The following TOPAZ1 variants were observed in gnomAD, a reference collection of about 807,000 sequenced individuals.
TOPAZ1 encodes protein TOPAZ1.
A neutral mutation model predicts 172.2 loss-of-function variants in TOPAZ1; 66 were observed. The observed-to-expected ratio is 0.38, with a 90% CI of 0.31 to 0.47. The LOEUF (loss-of-function observed/expected upper bound fraction) is 0.47. TOPAZ1 is among the 20% of genes least tolerant of loss of function. The pLI, the probability that TOPAZ1 is intolerant of heterozygous loss-of-function variation, is 0.99. For synonymous variants in TOPAZ1, 681 were observed against 683.9 expected, an observed-to-expected ratio of 1.00 and a Z score of 0.07; for missense variants, 1,822 against 1,972.4, an observed-to-expected ratio of 0.92 and a Z score of 1.44.
At position 44,291,378 on chromosome 3, in the gene TOPAZ1, G is replaced by A. The variant is rs559252281; in HGVS notation, c.3797+492G>A. On this transcript the variant is annotated intron_variant, in intron 12 of 19. Coordinates refer to ENST00000309765, the MANE Select transcript of TOPAZ1 (RefSeq NM_001145030.2). Reference sequence around the variant, plus strand: ...AGCACTTTGCAAGGCCGAGGCAGGCGGATCACAAGGTCAGGAGTTCAAGAC... The same window carrying A: ...AGCACTTTGCAAGGCCGAGGCAGGCAGATCACAAGGTCAGGAGTTCAAGAC... Among the ~76,000 whole-genome samples the A allele has an allele frequency of 2.1e-4, 31 of 150,376 alleles. 1 individual carries two copies. The highest frequency in any genetic ancestry group is 8.4e-4 in the South Asian group (4 of 4,754).
At chr3:44,298,890 A>ATT (rs1276580133) in intron 12 of TOPAZ1, among the ~76,000 whole-genome samples, 2 of 24,876 alleles carry the variant, frequency 8.0e-5, no homozygotes, top group Non-Finnish European at 1.3e-4. Context: ...ATGTATATAT[A>ATT]TTATATATAT....
intron 2 of TOPAZ1, among the ~76,000 whole-genome samples, chr3:44,250,391 A>C (rs981629463): frequency 5.9e-5 from 9 of 151,998 alleles, no homozygotes; most frequent in African/African-American, 2.2e-4. Flanking sequence ...ACTTTACTGC[A>C]AATTTTTATT....
chr3:44,290,404 G>A (rs930453005), intron 11 of TOPAZ1, among the ~76,000 whole-genome samples: 1 of 152,038 alleles, frequency 6.6e-6, no homozygotes, highest in African/African-American at 2.4e-5. Context: ...ATTCTTCTCT[G>A]GCCATGGCCC....
chr3:44,281,905 A>G, intron 8 of TOPAZ1, 63 bp from the exon 9 acceptor site: 1 of 997,726 alleles, frequency 1.0e-6, no homozygotes, highest in African/African-American at 1.6e-5. Flanking sequence ...TAGGATTGAA[A>G]TGTGTATAGT....
chr3:44,288,583 G>A (rs1000660824), intron 11 of TOPAZ1, among the ~76,000 whole-genome samples: 1 of 152,146 alleles, frequency 6.6e-6, no homozygotes, highest in Non-Finnish European at 1.5e-5. Flanking sequence ...CACTCAGGAG[G>A]CTGAGTCAGG....
chr3:44,295,300 C>A (rs1215955721), intron 12 of TOPAZ1, among the ~76,000 whole-genome samples: 2 of 152,084 alleles, frequency 1.3e-5, no homozygotes, highest in Non-Finnish European at 2.9e-5. Flanking sequence ...ATATTAGGAA[C>A]AATCTAAATA....
rs1171624707 is a variant in TOPAZ1 at position 44,244,601 on chromosome 3, A to G, written c.2095A>G (p.Arg699Gly). 3 of 1,550,626 alleles carry G rather than the reference A, an allele frequency of 1.9e-6. No individual in the cohort carries two copies. Among genetic ancestry groups the G allele is most frequent in the Non-Finnish European group, 2.6e-6 (3 of 1,146,736 alleles). ...IPLLKNKSEK[R>G]KEVNAKSSER... ...TTTACTTAAGAATAAATCAGAAAAA[A>G]GAAAAGAAGTAAATGCCAAGTCATC... The change falls in exon 2 of 20, where the codon AGA becomes GGA. Residue 699 changes from arginine (R) to glycine (G), a missense_variant. Physicochemically the swap from Arg to Gly is moderately radical, Grantham distance 125 (BLOSUM62 -2). Coordinates refer to ENST00000309765, the MANE Select transcript of TOPAZ1 (RefSeq NM_001145030.2).
intron 12 of TOPAZ1, among the ~76,000 whole-genome samples, chr3:44,298,502 CTTAATG>C (rs1482023716): frequency 6.6e-6 from 1 of 151,850 alleles, no homozygotes; most frequent in African/African-American, 2.4e-5. Flanking sequence ...ATTCACTCTA[CTTAATG>C]TTAAGACTTA....
At chr3:44,299,307 G>A (rs192133758) in intron 12 of TOPAZ1, among the ~76,000 whole-genome samples, 52 of 152,100 alleles carry the variant, frequency 3.4e-4, no homozygotes, top group African/African-American at 8.4e-4. Context: ...GAACAGACAC[G>A]TCTCAAAAGA....
At chr3:44,295,771 A>G (rs1392851638) in intron 12 of TOPAZ1, among the ~76,000 whole-genome samples, 6 of 152,204 alleles carry the variant, frequency 3.9e-5, no homozygotes, top group African/African-American at 1.2e-4. Context: ...GGACAATTCT[A>G]TAATTATAGT....
At chr3:44,273,741 C>T (rs1699922622) in intron 8 of TOPAZ1, among the ~76,000 whole-genome samples, 1 of 152,006 alleles carries the variant, frequency 6.6e-6, no homozygotes, top group Non-Finnish European at 1.5e-5. Context: ...AAGATAGGTC[C>T]CAGCTATCAA....
At chr3:44,327,220 T>C (rs1428702279) in intron 18 of TOPAZ1, among the ~76,000 whole-genome samples, 1 of 152,248 alleles carries the variant, frequency 6.6e-6, no homozygotes, top group Admixed American at 6.5e-5. Context: ...ACATGGCACA[T>C]AGCAGGTCTT....
chr3:44,323,551 G>A (rs907780156), intron 18 of TOPAZ1, among the ~76,000 whole-genome samples: 23 of 152,102 alleles, frequency 1.5e-4, no homozygotes, highest in African/African-American at 5.1e-4. Flanking sequence ...GCTAGAGGGC[G>A]AGCAAAGGGA....
intron 12 of TOPAZ1, among the ~76,000 whole-genome samples, chr3:44,291,369 G>A (rs1269482952): frequency 2.0e-4 from 30 of 149,804 alleles, no homozygotes; most frequent in Admixed American, 1.7e-3. Context: ...TTGCAAGGCC[G>A]AGGCAGGCGG....
intron 18 of TOPAZ1, among the ~76,000 whole-genome samples, chr3:44,325,499 A>C: frequency 6.6e-6 from 1 of 152,206 alleles, no homozygotes. Flanking sequence ...TGTACACATT[A>C]GCATTTATTC....
chr3:44,316,129 T>C (rs999871293), intron 16 of TOPAZ1, among the ~76,000 whole-genome samples: 1 of 151,800 alleles, frequency 6.6e-6, no homozygotes, highest in African/African-American at 2.4e-5. Context: ...GCCTGTAGTC[T>C]CAGCTACTCA....
chr3:44,291,090 C>A (rs1353825863), intron 12 of TOPAZ1, among the ~76,000 whole-genome samples: 1 of 152,060 alleles, frequency 6.6e-6, no homozygotes, highest in Non-Finnish European at 1.5e-5. Context: ...CTTAGTACTT[C>A]ATTTCCTCTC....
At position 44,256,154 on chromosome 3, in the gene TOPAZ1, G is replaced by A; in HGVS notation, c.2831G>A (p.Ser944Asn). The A allele has an allele frequency of 6.7e-7, 1 of 1,501,142 alleles. No homozygotes were observed. Among genetic ancestry groups the A allele is most frequent in the Non-Finnish European group, 8.8e-7 (1 of 1,130,696 alleles). 93.0% of individuals were successfully genotyped at this position (1,501,142 alleles called of 1,614,324 possible). ...PDICASNSAESEIKRDPKDVN... is the reference protein window; with the variant it reads ...PDICASNSAENEIKRDPKDVN... ...GTTGAATATTATTTCTTTTCAGAAA[G>A]TGAAATAAAACGTGATCCCAAAGAT... The change falls in exon 4 of 20, where the codon AGT becomes AAT. Residue 944 changes from serine to asparagine, a missense_variant. Ser to Asn is a conservative substitution (Grantham distance 46). Transcript: ENST00000309765.
At chr3:44,272,095 A>G (rs1325005168) in intron 8 of TOPAZ1, among the ~76,000 whole-genome samples, 1 of 152,128 alleles carries the variant, frequency 6.6e-6, no homozygotes, top group Non-Finnish European at 1.5e-5. Context: ...TATAAGGCTG[A>G]ATAGTATTTC....
Sources: gnomAD v4.1 joint callset for allele counts (sites outside exome capture counted in the v4.1 genomes callset) on GRCh38, gnomAD v4.1.1 for gene constraint, MANE v1.5 for transcripts, NCBI Gene and HGNC (gene_info 2026-07-23, HGNC 2026-07-21) for gene names.